The following ASIC2 variants were observed in gnomAD, a reference collection of about 807,000 sequenced individuals.
ASIC2 encodes acid-sensing ion channel 2.
Under a neutral mutation model 57.3 loss-of-function variants are expected in ASIC2, and 25 were observed. That is an observed-to-expected ratio of 0.44 (90% CI 0.32 to 0.61). The LOEUF (loss-of-function observed/expected upper bound fraction) is 0.61. ASIC2 is among the 20% of genes least tolerant of loss of function. The probability of loss-of-function intolerance (pLI) is 0.06; values close to 1 mark genes in which losing one functional copy is unlikely to be tolerated. For synonymous variants in ASIC2, 319 were observed against 307.5 expected (o/e 1.04, Z -0.39); for missense variants, 641 against 738.1 (o/e 0.87, Z 1.52).
At chr17:33,031,382 T>A (rs1003576703) in intron 3 of ASIC2, among the ~76,000 whole-genome samples, 2 of 152,174 alleles carry the variant, frequency 1.3e-5, no homozygotes, top group Non-Finnish European at 2.9e-5. Flanking sequence ...TGATTACTGG[T>A]AATTTGTATT....
intron 1 of ASIC2, among the ~76,000 whole-genome samples, chr17:33,263,567 G>C (rs1279096976): frequency 6.7e-6 from 1 of 149,432 alleles, no homozygotes; most frequent in African/African-American, 2.5e-5. Context: ...ACCTTCTCTG[G>C]AGATGGGGCC....
chr17:33,453,716 C>A (rs1025773943), intron 1 of ASIC2, among the ~76,000 whole-genome samples: 2 of 152,164 alleles, frequency 1.3e-5, no homozygotes, highest in Non-Finnish European at 2.9e-5. Context: ...GGGACCAGCG[C>A]CACAATCAAA....
intron 1 of ASIC2, among the ~76,000 whole-genome samples, chr17:34,093,391 T>C (rs569463358): frequency 1.7e-4 from 26 of 152,214 alleles, no homozygotes; most frequent in Non-Finnish European, 3.1e-4. Flanking sequence ...GGGATTCATA[T>C]TTCTGTCCTC....
At chr17:33,811,450 T>C (rs1597885586) in intron 1 of ASIC2, among the ~76,000 whole-genome samples, 1 of 152,228 alleles carries the variant, frequency 6.6e-6, no homozygotes, top group Non-Finnish European at 1.5e-5. Flanking sequence ...TTTTGGGTTT[T>C]TTTGCAGGCA....
At chr17:34,022,628 T>C (rs1168915222) in intron 1 of ASIC2, among the ~76,000 whole-genome samples, 1 of 123,312 alleles carries the variant, frequency 8.1e-6, no homozygotes, top group Non-Finnish European at 1.7e-5. Flanking sequence ...CAATTTCCCA[T>C]GAAAAAAAAA....
chr17:33,319,355 C>A (rs1906779786), intron 1 of ASIC2, among the ~76,000 whole-genome samples: 1 of 152,172 alleles, frequency 6.6e-6, no homozygotes, highest in East Asian at 1.9e-4. Context: ...AGGATTGGGA[C>A]ACGTAGCTGC....
intron 3 of ASIC2, among the ~76,000 whole-genome samples, chr17:33,046,856 G>A (rs2091957369): frequency 6.6e-6 from 1 of 152,224 alleles, no homozygotes; most frequent in Admixed American, 6.5e-5. Context: ...GGAGGCCGCT[G>A]GAGGCCGGGC....
intron 1 of ASIC2, among the ~76,000 whole-genome samples, chr17:33,770,868 G>C (rs1236459749): frequency 6.6e-6 from 1 of 152,072 alleles, no homozygotes; most frequent in Admixed American, 6.5e-5. Context: ...CTCTGACAAG[G>C]CTCTAAACCC....
At chr17:33,670,220 A>G (rs572794244) in intron 1 of ASIC2, among the ~76,000 whole-genome samples, 3 of 152,262 alleles carry the variant, frequency 2.0e-5, no homozygotes, top group African/African-American at 7.2e-5. Context: ...TGTACTGCAT[A>G]GGAGGCCTCC....
intron 1 of ASIC2, among the ~76,000 whole-genome samples, chr17:34,119,374 A>C (rs1911527397): frequency 6.6e-6 from 1 of 152,202 alleles, no homozygotes; most frequent in African/African-American, 2.4e-5. Context: ...CATAAATAAA[A>C]ACACTGCTTT....
At chr17:33,735,920 T>A (rs984034573) in intron 1 of ASIC2, among the ~76,000 whole-genome samples, 3 of 152,130 alleles carry the variant, frequency 2.0e-5, no homozygotes, top group African/African-American at 7.2e-5. Context: ...TTTCAAATTT[T>A]CCTTTGGCAT....
chr17:33,087,716 C>G (rs1377468409), intron 3 of ASIC2, among the ~76,000 whole-genome samples: 1 of 148,910 alleles, frequency 6.7e-6, no homozygotes, highest in Non-Finnish European at 1.5e-5. Context: ...GCATGCACTA[C>G]CATGCCTAAT....
intron 1 of ASIC2, among the ~76,000 whole-genome samples, chr17:33,508,525 T>A (rs1419152677): frequency 2.0e-5 from 3 of 152,068 alleles, no homozygotes; most frequent in Non-Finnish European, 4.4e-5. Flanking sequence ...CCAGTCCAAG[T>A]TGGACCTCAA....
intron 1 of ASIC2, among the ~76,000 whole-genome samples, chr17:33,252,617 G>A (rs961133800): frequency 3.9e-5 from 6 of 152,028 alleles, no homozygotes; most frequent in East Asian, 1.9e-4. Context: ...TGCTGTTCAC[G>A]TAGTGCAACT....
At chr17:34,100,989 G>A (rs1407801105) in intron 1 of ASIC2, among the ~76,000 whole-genome samples, 3 of 152,088 alleles carry the variant, frequency 2.0e-5, no homozygotes, top group Non-Finnish European at 4.4e-5. Context: ...CTGTAAAAGG[G>A]GGTTGATAAT....
chr17:33,635,546 A>G (rs150905844), intron 1 of ASIC2, among the ~76,000 whole-genome samples: 1 of 152,326 alleles, frequency 6.6e-6, no homozygotes, highest in East Asian at 1.9e-4. Context: ...ATAGCATTTA[A>G]TCTTCTGCTC....
chr17:33,404,484 T>C (rs1910397200), intron 1 of ASIC2, among the ~76,000 whole-genome samples: 1 of 152,188 alleles, frequency 6.6e-6, no homozygotes. Flanking sequence ...TTAGTTTGCT[T>C]TTAGCCTCTC....
intron 3 of ASIC2, among the ~76,000 whole-genome samples, chr17:33,076,915 A>G (rs1187102287): frequency 2.6e-5 from 4 of 152,170 alleles, no homozygotes. Flanking sequence ...TTTGGTGTAC[A>G]TGAGTATGTA....
At chr17:33,803,703 C>T (rs769662235) in intron 1 of ASIC2, among the ~76,000 whole-genome samples, 3 of 151,688 alleles carry the variant, frequency 2.0e-5, no homozygotes, top group South Asian at 2.1e-4. Flanking sequence ...CATATTTTCC[C>T]GCCTGCCTTC....
Sources: allele counts gnomAD v4.1 joint callset (sites outside exome capture counted in the v4.1 genomes callset), GRCh38; gene constraint gnomAD v4.1.1; transcripts MANE v1.5; gene names NCBI Gene and HGNC (gene_info 2026-07-23, HGNC 2026-07-21).